The following ZFPM2 variants were observed in gnomAD, a reference collection of about 807,000 sequenced individuals.
ZFPM2 encodes zinc finger protein, FOG family member 2.
A neutral mutation model predicts 98.6 loss-of-function variants in ZFPM2; 20 were observed. The ratio of observed to expected loss-of-function variants is 0.20; its 90% CI spans 0.14 to 0.29. The LOEUF (loss-of-function observed/expected upper bound fraction) is 0.29, where lower values mean the gene tolerates loss of function less well. ZFPM2 is among the 10% of genes least tolerant of loss of function. The pLI is 1.00. For synonymous variants in ZFPM2, 518 were observed against 502.7 expected (o/e 1.03, Z -0.41); for missense variants, 1,310 against 1,388.6 (o/e 0.94, Z 0.90).
chr8:105,752,829 A>C (rs1392095649), intron 5 of ZFPM2, among the ~76,000 whole-genome samples: 1 of 152,084 alleles, frequency 6.6e-6, no homozygotes, highest in East Asian at 1.9e-4. Context: ...CTAAGTACAT[A>C]GGGAAATCTA....
At chr8:105,452,462 C>T (rs541464669) in intron 3 of ZFPM2, among the ~76,000 whole-genome samples, 2 of 151,592 alleles carry the variant, frequency 1.3e-5, no homozygotes, top group South Asian at 4.2e-4. Context: ...AAAATGTATG[C>T]ACTGTCCAGG....
At chr8:105,540,507 T>C (rs1814553337) in intron 3 of ZFPM2, among the ~76,000 whole-genome samples, 1 of 152,126 alleles carries the variant, frequency 6.6e-6, no homozygotes. Flanking sequence ...GATAACAACA[T>C]GTTTTATCAT....
chr8:105,590,465 A>G (rs533920701), intron 4 of ZFPM2, among the ~76,000 whole-genome samples: 2 of 152,228 alleles, frequency 1.3e-5, no homozygotes, highest in East Asian at 1.9e-4. Context: ...AGCCACACAC[A>G]TATTAAAAAT....
intron 3 of ZFPM2, among the ~76,000 whole-genome samples, chr8:105,445,851 C>T (rs564047501): frequency 6.6e-5 from 10 of 151,992 alleles, no homozygotes; most frequent in East Asian, 1.9e-4. Flanking sequence ...ATGATCTGCC[C>T]GACTCATCCT....
At chr8:105,599,247 G>A (rs1240041268) in intron 4 of ZFPM2, among the ~76,000 whole-genome samples, 2 of 151,960 alleles carry the variant, frequency 1.3e-5, no homozygotes, top group East Asian at 1.9e-4. Flanking sequence ...ACACCTAAAC[G>A]ATATAAAGCA....
intron 4 of ZFPM2, among the ~76,000 whole-genome samples, chr8:105,603,198 A>G (rs1310982677): frequency 2.0e-5 from 3 of 152,122 alleles, no homozygotes; most frequent in Non-Finnish European, 4.4e-5. Flanking sequence ...TCACATAAAA[A>G]GAGTTGGCAT....
chr8:105,703,706 C>T (rs1811195514), intron 5 of ZFPM2, among the ~76,000 whole-genome samples: 1 of 151,992 alleles, frequency 6.6e-6, no homozygotes, highest in African/African-American at 2.4e-5. Flanking sequence ...AGTTTGCATT[C>T]ATATATAGAT....
At chr8:105,796,235 A>AAAAG (rs1489204535) in intron 6 of ZFPM2, among the ~76,000 whole-genome samples, 5 of 135,382 alleles carry the variant, frequency 3.7e-5, no homozygotes, top group Non-Finnish European at 7.7e-5. Flanking sequence ...AATTTGAGGC[A>AAAAG]AAAGAATTTT....
At chr8:105,756,771 T>C (rs1787747115) in intron 5 of ZFPM2, among the ~76,000 whole-genome samples, 1 of 127,448 alleles carries the variant, frequency 7.8e-6, no homozygotes, top group African/African-American at 2.9e-5. Context: ...CTTTTGTAGA[T>C]TTCATGCAGC....
In ZFPM2 at chr8:105,634,191, A is replaced by G. The variant is rs1215749412; in HGVS notation, c.421-55A>G. ...AAAATGATTAGTACAGTTATTATTC[A>G]AGTTTTTAATCAACGGAAGCAAATG... On this transcript the variant is annotated intron_variant, in intron 4 of 7. Coordinates refer to ENST00000407775, the MANE Select transcript of ZFPM2 (RefSeq NM_012082.4). 2.2e-6 allele frequency: 3 copies of G among 1,340,718 alleles called. No individual in the cohort carries two copies. The African/African-American group carries it at 4.4e-5, about 19-fold the overall frequency. The allele number at this position is 1,340,718 out of a possible 1,614,324, so 83.1% of individuals were successfully genotyped here.
intron 4 of ZFPM2, among the ~76,000 whole-genome samples, chr8:105,599,385 C>T (rs1203125854): frequency 1.8e-4 from 19 of 106,378 alleles, no homozygotes; most frequent in African/African-American, 4.8e-4. Context: ...TTTTTCTTTT[C>T]GTCTTTAAAA....
intron 3 of ZFPM2, among the ~76,000 whole-genome samples, chr8:105,479,694 T>C (rs1586402646): frequency 6.6e-6 from 1 of 152,198 alleles, no homozygotes; most frequent in Non-Finnish European, 1.5e-5. Flanking sequence ...TTACTGGAAG[T>C]GAAAGAATGT....
intron 4 of ZFPM2, among the ~76,000 whole-genome samples, chr8:105,624,749 G>A (rs1563747986): frequency 6.6e-6 from 1 of 151,930 alleles, no homozygotes; most frequent in Non-Finnish European, 1.5e-5. Flanking sequence ...CTATATTCAA[G>A]CAGTGACTCA....
intron 4 of ZFPM2, among the ~76,000 whole-genome samples, chr8:105,604,191 G>T (rs1816149935): frequency 6.6e-6 from 1 of 151,898 alleles, no homozygotes; most frequent in African/African-American, 2.4e-5. Flanking sequence ...CATTCATCCA[G>T]TTTTTCAGAC....
chr8:105,357,039 G>A (rs1438953031), intron 1 of ZFPM2, among the ~76,000 whole-genome samples: 1 of 152,070 alleles, frequency 6.6e-6, no homozygotes, highest in Non-Finnish European at 1.5e-5. Flanking sequence ...GCAATACTTT[G>A]CTTTTTGCAA....
chr8:105,336,058 A>T (rs539486619), intron 1 of ZFPM2, among the ~76,000 whole-genome samples: 1 of 151,960 alleles, frequency 6.6e-6, no homozygotes, highest in South Asian at 2.1e-4. Flanking sequence ...TACGGCACAA[A>T]GTCATATATT....
intron 2 of ZFPM2, among the ~76,000 whole-genome samples, chr8:105,431,925 A>AAAAAAAAAAAAAAG (rs1246206928): frequency 1.7e-4 from 26 of 151,964 alleles, no homozygotes; most frequent in African/African-American, 5.8e-4. Flanking sequence ...GTGTCTCAAA[A>AAAAAAAAAAAAAAG]AAAAGAAAAA....
At chr8:105,600,150 A>T (rs1442766081) in intron 4 of ZFPM2, among the ~76,000 whole-genome samples, 2 of 152,176 alleles carry the variant, frequency 1.3e-5, no homozygotes, top group African/African-American at 4.8e-5. Flanking sequence ...TATTTAAGAT[A>T]GTATTCCTGT....
intron 2 of ZFPM2, among the ~76,000 whole-genome samples, chr8:105,430,355 G>C (rs1811996124): frequency 6.6e-6 from 1 of 152,148 alleles, no homozygotes; most frequent in South Asian, 2.1e-4. Flanking sequence ...CCAAGATCAA[G>C]AATGTTAAGT....
Sources: gnomAD v4.1 joint callset for allele counts (sites outside exome capture counted in the v4.1 genomes callset) on GRCh38, gnomAD v4.1.1 for gene constraint, MANE v1.5 for transcripts, NCBI Gene and HGNC (gene_info 2026-07-23, HGNC 2026-07-21) for gene names.